The following DOC2B variants were observed in gnomAD, a reference collection of about 807,000 sequenced individuals.
DOC2B encodes double C2 domain beta, also known as double C2-like domain-containing protein beta.
In DOC2B, 21 loss-of-function variants were observed where a neutral mutation model predicts 28.9. That is an observed-to-expected ratio of 0.73 (90% CI 0.52 to 1.05). DOC2B has a LOEUF of 1.05. Among genes scored for constraint, DOC2B ranks in the 50% least tolerant of loss-of-function variants. The pLI is 0.00. For synonymous variants in DOC2B, 194 were observed against 178.1 expected (o/e 1.09, Z -0.71); for missense variants, 384 against 421.1 (o/e 0.91, Z 0.77).
In DOC2B at chr17:156,167, C is replaced by T. The variant is rs1555522443; in HGVS notation, c.923+53G>A. 14 of 1,496,724 alleles carry T rather than the reference C, an allele frequency of 9.4e-6. No homozygotes were observed. In the South Asian group the frequency reaches 1.2e-4, roughly 13 times the overall value. The allele number at this position is 1,496,724 out of a possible 1,614,324, so 92.7% of individuals were successfully genotyped here. A position where few individuals can be genotyped will look rare whatever the true frequency, so the allele number is the denominator to read the frequency against. ...GGACCACGGAGCCGGCACACGGACC[C>T]CCGTCCTTGGAGGTGAAGACGTGGC... is the stretch of plus-strand genomic sequence containing the variant. On this transcript the variant is annotated intron_variant, in intron 6 of 8. Transcript: ENST00000613549.
rs929611930 is a variant in DOC2B at position 145,295 on chromosome 17, C to G, written c.*2146G>C. ...CTCCGACAGACCAAGAGGGAAGGGACTGGGGGTACCGACCCCCAGAGAGAG... is the reference window on the plus strand; with the variant it reads ...CTCCGACAGACCAAGAGGGAAGGGAGTGGGGGTACCGACCCCCAGAGAGAG... On this transcript the variant is annotated 3_prime_UTR_variant, in exon 9 of 9. Coordinates refer to ENST00000613549, the MANE Select transcript of DOC2B (RefSeq NM_003585.5). 6.6e-6 allele frequency: 1 copy of G among 152,384 alleles called. No homozygotes were observed. The highest frequency in any genetic ancestry group is 6.5e-5 in the Admixed American group (1 of 15,304). The allele number at this position is 152,384 out of a possible 1,614,324, so 9.4% of individuals were successfully genotyped here. A position where few individuals can be genotyped will look rare whatever the true frequency, so the allele number is the denominator to read the frequency against.
rs1555523341 is a variant in DOC2B, at chr17:162,160, T to C, written c.559A>G (p.Asn187Asp). 6.4e-7 allele frequency: 1 copy of C among 1,551,938 alleles called. No individual in the cohort carries two copies. Among genetic ancestry groups the C allele is most frequent in the South Asian group, 1.2e-5 (1 of 84,058 alleles). Reference protein sequence around the residue: ...ANKLRTKTLRNTLNPTWNETL... With the variant: ...ANKLRTKTLRDTLNPTWNETL... ...TCGTTCCATGTGGGGTTCAGAGTGT[T>C]ACGGAGAGTTTTTGTTCTGAGCTTA... Residue 187 changes from asparagine to aspartate, a missense_variant, in exon 4 of 9, where the codon AAC becomes GAC. Asn to Asp is a conservative substitution (Grantham distance 23). Coordinates refer to ENST00000613549, the MANE Select transcript of DOC2B (RefSeq NM_003585.5).
At position 160,697 on chromosome 17, in the gene DOC2B, C is replaced by T. The variant is rs562659793; in HGVS notation, c.765+718G>A. ...CTCCTGGCTTCACCAGCCCTATGAA[C>T]CAGGTGAAGGTGAGGCCATAGACAA... is the stretch of plus-strand genomic sequence containing the variant. On this transcript the variant is annotated intron_variant, in intron 5 of 8. Coordinates refer to ENST00000613549, the MANE Select transcript of DOC2B (RefSeq NM_003585.5). 1.2e-4 allele frequency among the ~76,000 whole-genome samples: 19 copies of T among 152,254 alleles called. 2 individuals carry two copies. In the East Asian group the frequency reaches 1.4e-3, roughly 11 times the overall value.
intron 6 of DOC2B, among the ~76,000 whole-genome samples, chr17:152,863 G>A (rs1045308725): frequency 4.6e-5 from 7 of 152,162 alleles, no homozygotes; most frequent in Non-Finnish European, 5.9e-5. Context: ...AGCATCAACC[G>A]CTAGATACGT....
intron 3 of DOC2B, among the ~76,000 whole-genome samples, chr17:163,230 C>T (rs1417853399): frequency 5.9e-5 from 9 of 152,192 alleles, no homozygotes; most frequent in Admixed American, 5.9e-4. Flanking sequence ...TCATACTCGC[C>T]CTCGGCCCTC....
chr17:156,686 C>T (rs535462465), intron 5 of DOC2B, among the ~76,000 whole-genome samples: 18 of 152,358 alleles, frequency 1.2e-4, no homozygotes, highest in South Asian at 4.1e-4. Context: ...TCAGGCCCGA[C>T]GCCTGGCTCT....
At chr17:172,025 A>C (rs1252450572) in intron 2 of DOC2B, among the ~76,000 whole-genome samples, 3 of 151,230 alleles carry the variant, frequency 2.0e-5, no homozygotes, top group African/African-American at 7.3e-5. Flanking sequence ...AGGGGTCCAC[A>C]GGCACCCACA....
chr17:174,532 C>T (rs2040347492), intron 1 of DOC2B, among the ~76,000 whole-genome samples: 1 of 152,168 alleles, frequency 6.6e-6, no homozygotes, highest in African/African-American at 2.4e-5. Context: ...CAAATAGTCA[C>T]TTAAATTTTT....
Position 156,208 on chromosome 17 carries a change from CG to C in DOC2B, c.923+11del, listed in dbSNP as rs1335293821. On this transcript the variant is annotated intron_variant, in intron 6 of 8. Coordinates refer to ENST00000613549, the MANE Select transcript of DOC2B (RefSeq NM_003585.5). The stretch of plus-strand genomic sequence containing the variant: ...AAGACGTGGCAGGTGGTCACGCGCA[CG>C]GCACACTCACGTTTTCACGTAGGGG... 1 of 1,543,164 alleles carries C rather than the reference CG, an allele frequency of 6.5e-7. No homozygotes were observed. The highest frequency in any genetic ancestry group is 8.8e-7 in the Non-Finnish European group (1 of 1,142,202).
intron 1 of DOC2B, among the ~76,000 whole-genome samples, chr17:180,368 G>A (rs35026112): frequency 0.57 from 87,312 of 151,860 alleles, 25,689 homozygotes; most frequent in East Asian, 0.88. Context: ...GCTCCCGGGG[G>A]CTCAGGGCTC....
chr17:172,712 GCCA>G, intron 1 of DOC2B, 96 bp from the exon 2 acceptor site: 2 of 1,017,388 alleles, frequency 2.0e-6, no homozygotes, highest in Non-Finnish European at 2.8e-6. Context: ...CTGGGCAGGT[GCCA>G]CCGTTCCATG....
At chr17:164,086 T>C (rs2040234397) in intron 3 of DOC2B, 44 bp downstream of exon 3, 10 of 1,456,246 alleles carry the variant, frequency 6.9e-6, no homozygotes, top group Non-Finnish European at 9.4e-6. Flanking sequence ...CCTGAGGTGG[T>C]GGGCGGGTGC....
Position 181,366 on chromosome 17 carries a change from G to T in DOC2B, c.114C>A (p.Pro38=). 8.8e-7 allele frequency: 1 copy of T among 1,136,078 alleles called. No individual in the cohort carries two copies. The highest frequency in any genetic ancestry group is 1.1e-6 in the Non-Finnish European group (1 of 924,690). 70.4% of individuals were successfully genotyped at this position (1,136,078 alleles called of 1,614,324 possible). A position where few individuals can be genotyped will look rare whatever the true frequency, so the allele number is the denominator to read the frequency against. The change falls in exon 1 of 9, where the codon CCC becomes CCA. Residue 38 remains proline, a synonymous_variant. Transcript: ENST00000613549. The surrounding 1 kb of genome is among the most constrained non-coding windows in gnomAD (Gnocchi z 7.0). ...CCGGGGGCAGGCCCCGCGGGAAGCG[G>T]GGGAAGTAGTCGGAGATCTGCTTGA... ...RPIKQISDYF[P]RFPRGLPPDA... is the part of the protein sequence containing the mutation.
chr17:173,291 C>T lies in DOC2B; in HGVS notation c.374-675G>A, dbSNP rs1039005390. 5.3e-5 allele frequency among the ~76,000 whole-genome samples: 8 copies of T among 152,314 alleles called. No homozygotes were observed. The South Asian group carries it at 1.7e-3, about 32-fold the overall frequency. ...CTGCCTCCCTCCCCGGGGGCAATCA[C>T]TCATAGCAGCTGTGGCTTTCCATGC... On this transcript the variant is annotated intron_variant, in intron 1 of 8. Transcript: ENST00000613549.
In DOC2B at chr17:154,183, C is replaced by T. The variant is rs1410187316; in HGVS notation, c.923+2037G>A. On this transcript the variant is annotated intron_variant, in intron 6 of 8. Coordinates refer to ENST00000613549, the MANE Select transcript of DOC2B (RefSeq NM_003585.5). ...TCCTTCTTATGGCTGATATTCCACG[C>T]ACCTGCTACACTCCTTCTTAGGGCT... Among the ~76,000 whole-genome samples the T allele has an allele frequency of 2.0e-5, 3 of 151,144 alleles. No homozygotes were observed. In the South Asian group the frequency reaches 6.3e-4, roughly 32 times the overall value.
At position 146,989 on chromosome 17, in the gene DOC2B, T is replaced by C. The variant is rs1208443740; in HGVS notation, c.*452A>G. The C allele has an allele frequency of 1.3e-5, 2 of 158,750 alleles. No homozygotes were observed. Among genetic ancestry groups the C allele is most frequent in the Admixed American group, 1.3e-4 (2 of 15,450 alleles). 9.8% of individuals were successfully genotyped at this position (158,750 alleles called of 1,614,324 possible). ...GTCCAGCAGCGAAGGAGATGAGGGA[T>C]GCAGTTAGGCTTTCTTGGGCTGGAG... On this transcript the variant is annotated 3_prime_UTR_variant, in exon 9 of 9. Transcript: ENST00000613549.
rs1160334493 is a variant in DOC2B at position 143,367 on chromosome 17, T to C, written c.*4074A>G. The C allele has an allele frequency of 6.7e-6, 1 of 149,098 alleles. No individual in the cohort carries two copies. The highest frequency in any genetic ancestry group is 1.5e-5 in the Non-Finnish European group (1 of 67,574). 9.2% of individuals were successfully genotyped at this position (149,098 alleles called of 1,614,324 possible). A position where few individuals can be genotyped will look rare whatever the true frequency, so the allele number is the denominator to read the frequency against. ...TTTTTTTTGACAAGGTCTCCCTCTG[T>C]TGCCCAGGCTGGAGTGCGGTGGCGT... On this transcript the variant is annotated 3_prime_UTR_variant, in exon 9 of 9. Coordinates refer to ENST00000613549, the MANE Select transcript of DOC2B (RefSeq NM_003585.5).
intron 1 of DOC2B, among the ~76,000 whole-genome samples, chr17:173,956 A>C (rs1378341672): frequency 6.6e-6 from 1 of 152,228 alleles, no homozygotes; most frequent in Non-Finnish European, 1.5e-5. Context: ...CCTACTTCAG[A>C]AGCAGACCCT....
At chr17:179,346 C>G (rs2040407377) in intron 1 of DOC2B, among the ~76,000 whole-genome samples, 2 of 151,372 alleles carry the variant, frequency 1.3e-5, no homozygotes, top group Non-Finnish European at 1.5e-5. Flanking sequence ...GGCTGGCTGG[C>G]CTGAGTTTCT....
Sources: allele counts gnomAD v4.1 joint callset (sites outside exome capture counted in the v4.1 genomes callset), GRCh38; gene constraint gnomAD v4.1.1; non-coding constraint Gnocchi (gnomAD v3.1); transcripts MANE v1.5; gene names NCBI Gene and HGNC (gene_info 2026-07-23, HGNC 2026-07-21).